Variants in DPP10 observed in about 807,000 individuals in gnomAD.
DPP10 encodes the protein inactive dipeptidyl peptidase 10.
Under a neutral mutation model 120.9 loss-of-function variants are expected in DPP10, and 33 were observed. That is an observed-to-expected ratio of 0.27 (90% CI 0.21 to 0.37). The LOEUF is 0.37. Among genes scored for constraint, DPP10 ranks in the 10% least tolerant of loss-of-function variants. The pLI is 1.00. For missense variants in DPP10, 816 were observed against 942.8 expected, an observed-to-expected ratio of 0.87 and a Z score of 1.76; for synonymous variants, 337 against 326.1, an observed-to-expected ratio of 1.03 and a Z score of -0.36.
intron 1 of DPP10, among the ~76,000 whole-genome samples, chr2:115,135,673 C>A (rs911258431): frequency 6.6e-6 from 1 of 152,100 alleles, no homozygotes; most frequent in Non-Finnish European, 1.5e-5. Flanking sequence ...GAAAATCGGG[C>A]CTTTTTGGTT....
intron 10 of DPP10, among the ~76,000 whole-genome samples, chr2:115,747,839 C>T (rs932537623): frequency 7.9e-5 from 12 of 152,086 alleles, no homozygotes; most frequent in Admixed American, 5.2e-4. Context: ...GTGATCCGCC[C>T]GCCTTGGCCT....
At chr2:114,519,391 A>C (rs1250696759) in intron 1 of DPP10, among the ~76,000 whole-genome samples, 1 of 152,240 alleles carries the variant, frequency 6.6e-6, no homozygotes, top group Admixed American at 6.5e-5. Flanking sequence ...ATTTGGGAGC[A>C]AACTGACCCT....
At chr2:115,161,655 C>T in intron 1 of DPP10, 1 of 280,384 alleles carries the variant, frequency 3.6e-6, no homozygotes, top group South Asian at 1.5e-4. Context: ...CCCCGCCGCT[C>T]GCCGCTGCAC....
At chr2:115,013,658 C>CAAAAA (rs59313783) in intron 1 of DPP10, among the ~76,000 whole-genome samples, 112 of 58,076 alleles carry the variant, frequency 1.9e-3, no homozygotes, top group Non-Finnish European at 2.6e-3. Flanking sequence ...AAATGGAAAG[C>CAAAAA]AAAAAAAAAA....
intron 7 of DPP10, among the ~76,000 whole-genome samples, chr2:115,717,596 C>CA (rs887190401): frequency 5.0e-4 from 74 of 146,832 alleles, no homozygotes; most frequent in East Asian, 1.4e-3. Context: ...TGTTAGTTCT[C>CA]AAAAAAAAAA....
intron 1 of DPP10, among the ~76,000 whole-genome samples, chr2:115,212,916 A>G (rs1011377757): frequency 2.0e-5 from 3 of 152,178 alleles, no homozygotes; most frequent in South Asian, 4.1e-4. Flanking sequence ...TGGAGTTGAA[A>G]GAGTCTATTT....
intron 1 of DPP10, among the ~76,000 whole-genome samples, chr2:114,689,866 G>A (rs967149293): frequency 3.3e-5 from 5 of 151,670 alleles, no homozygotes; most frequent in African/African-American, 4.8e-5. Context: ...TTGGTTGGCC[G>A]CGTGTATGTC....
In DPP10 at chr2:115,531,148, G is replaced by GTTTT. The variant is rs58542777; in HGVS notation, c.441+5188_441+5191dup. Among the ~76,000 whole-genome samples, 6 of 125,870 alleles carry GTTTT rather than the reference G, an allele frequency of 4.8e-5. 2 individuals are homozygous for GTTTT. Among genetic ancestry groups the GTTTT allele is most frequent in the Admixed American group, 7.8e-5 (1 of 12,892 alleles). 82.6% of individuals were successfully genotyped at this position (125,870 alleles called of 152,430 possible). Reference sequence around the variant, plus strand: ...CTTACCTAATATGATTCAAGATTGAGTTTTTTTTTTTTTTTCCTGAAACAG... The same window carrying GTTTT: ...CTTACCTAATATGATTCAAGATTGAGTTTTTTTTTTTTTTTTTTTCCTGAAACAG... On this transcript the variant is annotated intron_variant, in intron 5 of 25. Transcript: ENST00000410059.
At chr2:114,450,139 T>C (rs1256538300) in intron 1 of DPP10, among the ~76,000 whole-genome samples, 1 of 152,126 alleles carries the variant, frequency 6.6e-6, no homozygotes, top group Non-Finnish European at 1.5e-5. Context: ...AGGCTTCATA[T>C]GATCTCTGTG....
chr2:115,749,005 G>C (rs1425977582), intron 10 of DPP10, among the ~76,000 whole-genome samples: 1 of 152,074 alleles, frequency 6.6e-6, no homozygotes, highest in Non-Finnish European at 1.5e-5. Context: ...ATCACAGTCT[G>C]TATTGATTCT....
At chr2:115,569,915 C>T (rs2081241260) in intron 5 of DPP10, among the ~76,000 whole-genome samples, 1 of 142,852 alleles carries the variant, frequency 7.0e-6, no homozygotes, top group South Asian at 2.3e-4. Context: ...AAATAAAACA[C>T]ATGCCAGTAC....
intron 1 of DPP10, among the ~76,000 whole-genome samples, chr2:114,552,284 C>T (rs1687946443): frequency 6.6e-6 from 1 of 152,086 alleles, no homozygotes; most frequent in South Asian, 2.1e-4. Flanking sequence ...TAATACGATG[C>T]TAAGGGGTTT....
In DPP10 at chr2:114,477,037, C is replaced by A. The variant is rs192841856; in HGVS notation, c.60+34199C>A. 1.1e-4 allele frequency among the ~76,000 whole-genome samples: 16 copies of A among 152,138 alleles called. No individual in the cohort carries two copies. In the East Asian group the frequency reaches 2.3e-3, roughly 22 times the overall value. On this transcript the variant is annotated intron_variant, in intron 1 of 25. Coordinates refer to ENST00000410059, the MANE Select transcript of DPP10 (RefSeq NM_020868.6). ...GCAGTGGCATGATTTCGGCTCACTG[C>A]ACCCTCTGCCTCCCCAGCTTCAAGC...
chr2:115,360,529 G>A (rs2106348714), intron 3 of DPP10, among the ~76,000 whole-genome samples: 1 of 152,322 alleles, frequency 6.6e-6, no homozygotes, highest in African/African-American at 2.4e-5. Context: ...TTATTCAACT[G>A]TGTGCCTTTT....
chr2:114,451,689 G>C (rs1404523074), intron 1 of DPP10, among the ~76,000 whole-genome samples: 2 of 152,096 alleles, frequency 1.3e-5, no homozygotes, highest in Admixed American at 1.3e-4. Flanking sequence ...CATGGAGCTG[G>C]ACTTTGTGTT....
At chr2:114,627,616 TA>T (rs1694615017) in intron 1 of DPP10, among the ~76,000 whole-genome samples, 1 of 151,502 alleles carries the variant, frequency 6.6e-6, no homozygotes, top group South Asian at 2.1e-4. Flanking sequence ...TTTTTTTAGG[TA>T]GGGGGAGGGA....
chr2:114,669,581 A>G (rs797022570), intron 1 of DPP10, among the ~76,000 whole-genome samples: 1 of 152,142 alleles, frequency 6.6e-6, no homozygotes, highest in Non-Finnish European at 1.5e-5. Context: ...AGCAATTTTC[A>G]TGTAAATAAT....
intron 1 of DPP10, among the ~76,000 whole-genome samples, chr2:114,532,286 T>C (rs1258036015): frequency 2.0e-5 from 1 of 50,280 alleles, no homozygotes; most frequent in Admixed American, 1.9e-4. Context: ...TATATATATA[T>C]ATATATATAT....
chr2:115,585,476 A>G (rs1399921178), intron 5 of DPP10, among the ~76,000 whole-genome samples: 1 of 152,222 alleles, frequency 6.6e-6, no homozygotes, highest in Non-Finnish European at 1.5e-5. Flanking sequence ...TTCATGTGCA[A>G]AACACTGCAG....
Sources: gnomAD v4.1 joint callset for allele counts (sites outside exome capture counted in the v4.1 genomes callset) on GRCh38, gnomAD v4.1.1 for gene constraint, MANE v1.5 for transcripts, NCBI Gene and HGNC (gene_info 2026-07-23, HGNC 2026-07-21) for gene names.